AGBL4: variants seen among roughly 807,000 people sequenced by gnomAD.
The protein encoded by AGBL4 is cytosolic carboxypeptidase 6.
A neutral mutation model predicts 66.4 loss-of-function variants in AGBL4; 58 were observed. The ratio of observed to expected loss-of-function variants is 0.87; its 90% CI spans 0.71 to 1.09. The LOEUF is 1.09. AGBL4 is among the 50% of genes least tolerant of loss of function. AGBL4 has a pLI of 0.00. For missense variants in AGBL4, 579 were observed against 631.0 expected, an observed-to-expected ratio of 0.92 and a Z score of 0.88; for synonymous variants, 234 against 222.9, an observed-to-expected ratio of 1.05 and a Z score of -0.44.
chr1:49,982,341 C>T (rs1268798903), intron 1 of AGBL4, among the ~76,000 whole-genome samples: 3 of 152,226 alleles, frequency 2.0e-5, no homozygotes, highest in Non-Finnish European at 4.4e-5. Flanking sequence ...GAGCTTTGTG[C>T]TCCCTGTGCA....
At chr1:48,577,855 G>C (rs1327455084) in intron 11 of AGBL4, among the ~76,000 whole-genome samples, 3 of 152,200 alleles carry the variant, frequency 2.0e-5, no homozygotes, top group Non-Finnish European at 4.4e-5. Flanking sequence ...TTCAGAAAAG[G>C]CTCTTGTCCA....
In AGBL4 at chr1:49,056,256, A is replaced by G. The variant is rs1041512326; in HGVS notation, c.378-10456T>C. On this transcript the variant is annotated intron_variant, in intron 4 of 13. Transcript: ENST00000371839. ...TAGCTGTTGTAGAAGCAGAAGGGGG[A>G]AAAAAAAAAGCAATTCCATGCTTTC... is the stretch of plus-strand genomic sequence containing the variant. Among the ~76,000 whole-genome samples the G allele has an allele frequency of 6.1e-5, 9 of 148,494 alleles. No individual in the cohort carries two copies. In the South Asian group the frequency reaches 6.4e-4, roughly 11 times the overall value.
intron 8 of AGBL4, among the ~76,000 whole-genome samples, chr1:48,652,554 T>G (rs557548543): frequency 4.4e-4 from 67 of 152,308 alleles, no homozygotes; most frequent in Middle Eastern, 3.4e-3. Context: ...CTGGGGGGTC[T>G]GAATGTCATC....
chr1:48,906,765 T>C (rs564330153), intron 5 of AGBL4, among the ~76,000 whole-genome samples: 6 of 152,340 alleles, frequency 3.9e-5, no homozygotes, highest in Admixed American at 2.6e-4. Context: ...TTTGCATTAA[T>C]TGGCTTATGT....
intron 2 of AGBL4, among the ~76,000 whole-genome samples, chr1:49,706,147 G>C (rs575481907): frequency 3.3e-5 from 5 of 152,224 alleles, no homozygotes; most frequent in African/African-American, 1.2e-4. Flanking sequence ...TTGTACTTCT[G>C]GTGGAATTCG....
intron 2 of AGBL4, among the ~76,000 whole-genome samples, chr1:49,718,046 G>T (rs1648296403): frequency 1.3e-5 from 2 of 152,068 alleles, no homozygotes; most frequent in Admixed American, 1.3e-4. Flanking sequence ...GATGCCCAGA[G>T]TAAACCATAA....
At chr1:49,385,719 A>T (rs1313602593) in intron 3 of AGBL4, among the ~76,000 whole-genome samples, 1 of 152,116 alleles carries the variant, frequency 6.6e-6, no homozygotes, top group Non-Finnish European at 1.5e-5. Flanking sequence ...AGAAGAGAAG[A>T]CATAAATATT....
intron 2 of AGBL4, among the ~76,000 whole-genome samples, chr1:49,749,195 A>T (rs1651249987): frequency 6.6e-6 from 1 of 152,134 alleles, no homozygotes; most frequent in African/African-American, 2.4e-5. Context: ...ATAACATGTA[A>T]GGAAGGGGTC....
At chr1:48,805,008 A>C (rs887150600) in intron 6 of AGBL4, among the ~76,000 whole-genome samples, 4 of 152,120 alleles carry the variant, frequency 2.6e-5, no homozygotes, top group African/African-American at 4.8e-5. Context: ...TCCTACCCAT[A>C]GTCTTATTAT....
chr1:49,450,702 T>C (rs555058720), intron 3 of AGBL4, among the ~76,000 whole-genome samples: 2 of 152,064 alleles, frequency 1.3e-5, no homozygotes, highest in Non-Finnish European at 2.9e-5. Context: ...AATATTTGGC[T>C]CAATTCTTTT....
chr1:48,653,908 C>T (rs1645974690), intron 7 of AGBL4, among the ~76,000 whole-genome samples: 1 of 152,166 alleles, frequency 6.6e-6, no homozygotes, highest in Admixed American at 6.5e-5. Context: ...TTTAAATGCT[C>T]ATGTTGCTGA....
intron 1 of AGBL4, among the ~76,000 whole-genome samples, chr1:49,916,334 G>C (rs559929852): frequency 1.1e-4 from 17 of 152,158 alleles, no homozygotes; most frequent in African/African-American, 4.1e-4. Flanking sequence ...TAAAAACCTT[G>C]AAAAAAGATT....
intron 6 of AGBL4, among the ~76,000 whole-genome samples, chr1:48,819,361 T>G (rs977697779): frequency 6.6e-6 from 1 of 152,178 alleles, no homozygotes; most frequent in Non-Finnish European, 1.5e-5. Context: ...GAGCCTTGAA[T>G]GCCAGTGTAA....
chr1:49,764,388 C>T (rs1652580578), intron 2 of AGBL4, among the ~76,000 whole-genome samples: 1 of 152,100 alleles, frequency 6.6e-6, no homozygotes. Context: ...ACCAAACCCC[C>T]ACAGGCCTAT....
intron 2 of AGBL4, among the ~76,000 whole-genome samples, chr1:49,795,298 C>A (rs1402684017): frequency 6.6e-6 from 1 of 151,744 alleles, no homozygotes; most frequent in Non-Finnish European, 1.5e-5. Flanking sequence ...ATACTATGTA[C>A]CCAGATAAAA....
intron 4 of AGBL4, among the ~76,000 whole-genome samples, chr1:49,059,477 C>A (rs1644364071): frequency 6.6e-6 from 1 of 152,252 alleles, no homozygotes; most frequent in East Asian, 1.9e-4. Flanking sequence ...CGGAGAAACT[C>A]TGCTAGGGCA....
intron 11 of AGBL4, among the ~76,000 whole-genome samples, chr1:48,565,194 A>G (rs1165987473): frequency 6.6e-6 from 1 of 152,166 alleles, no homozygotes; most frequent in South Asian, 2.1e-4. Flanking sequence ...GATGGGAGCA[A>G]ACCAGGAAAT....
At chr1:49,420,649 C>T (rs773288999) in intron 3 of AGBL4, among the ~76,000 whole-genome samples, 4 of 150,306 alleles carry the variant, frequency 2.7e-5, no homozygotes, top group Non-Finnish European at 5.9e-5. Context: ...TGCCGTGAGC[C>T]GAGATCGCAC....
chr1:49,761,271 T>G (rs1222579811), intron 2 of AGBL4, among the ~76,000 whole-genome samples: 6 of 152,134 alleles, frequency 3.9e-5, no homozygotes, highest in Non-Finnish European at 8.8e-5. Context: ...TATCATACTT[T>G]CTTATCTATT....
Sources: gnomAD v4.1 joint callset for allele counts (sites outside exome capture counted in the v4.1 genomes callset) on GRCh38, gnomAD v4.1.1 for gene constraint, MANE v1.5 for transcripts, NCBI Gene and HGNC (gene_info 2026-07-23, HGNC 2026-07-21) for gene names.